Variants in CPQ observed in about 807,000 individuals in gnomAD.
The protein encoded by CPQ is carboxypeptidase Q.
In CPQ, 37 loss-of-function variants were observed where a neutral mutation model predicts 45.7. The observed-to-expected ratio is 0.81, with a 90% CI of 0.62 to 1.07. The LOEUF is 1.07. CPQ is among the 50% of genes least tolerant of loss of function. The pLI is 0.00. For missense variants in CPQ, 537 were observed against 572.9 expected (o/e 0.94, Z 0.64); for synonymous variants, 186 against 205.8 (o/e 0.90, Z 0.82).
chr8:96,744,613 C>T (rs1810150804), intron 1 of CPQ, among the ~76,000 whole-genome samples: 1 of 152,124 alleles, frequency 6.6e-6, no homozygotes, highest in East Asian at 1.9e-4. Context: ...TTGTCTCATA[C>T]TAATAAAACT....
chr8:96,882,420 C>T (rs528382008), intron 4 of CPQ, among the ~76,000 whole-genome samples: 1 of 152,260 alleles, frequency 6.6e-6, no homozygotes, highest in South Asian at 2.1e-4. Flanking sequence ...AGGTATTTTC[C>T]CCAGTCAGTA....
At chr8:97,039,430 T>C (rs900520637) in intron 6 of CPQ, among the ~76,000 whole-genome samples, 8 of 152,046 alleles carry the variant, frequency 5.3e-5, no homozygotes, top group Non-Finnish European at 8.8e-5. Flanking sequence ...TAATATTTCC[T>C]TTCCTTTTTA....
intron 7 of CPQ, among the ~76,000 whole-genome samples, chr8:97,078,806 T>C (rs895065065): frequency 3.6e-5 from 5 of 138,388 alleles, no homozygotes; most frequent in African/African-American, 8.5e-5. Context: ...TCTCTCTCTC[T>C]CCCTCTCTCC....
chr8:97,043,443 T>A (rs1810170920), intron 6 of CPQ, among the ~76,000 whole-genome samples: 1 of 151,942 alleles, frequency 6.6e-6, no homozygotes, highest in Admixed American at 6.6e-5. Flanking sequence ...TTTATCCAGT[T>A]TGCCAGTCTG....
chr8:96,860,875 G>C (rs561735627), intron 3 of CPQ, among the ~76,000 whole-genome samples: 2 of 152,220 alleles, frequency 1.3e-5, no homozygotes, highest in South Asian at 4.1e-4. Flanking sequence ...AGAAACTGTA[G>C]TATCTATTTT....
intron 3 of CPQ, among the ~76,000 whole-genome samples, chr8:96,874,860 G>C (rs1203444821): frequency 6.6e-6 from 1 of 152,002 alleles, no homozygotes; most frequent in African/African-American, 2.4e-5. Context: ...ATACCAAGGG[G>C]TAGAATTGCT....
rs146087978 is a variant in CPQ at position 96,724,490 on chromosome 8, GACACACACAC to G, written c.-34-60347_-34-60338del. On this transcript the variant is annotated intron_variant, in intron 1 of 7. Coordinates refer to ENST00000220763, the MANE Select transcript of CPQ (RefSeq NM_016134.4). ...CAAGAATGCAGTCCCATTTAGAGTA[GACACACACAC>G]ACACACACACACACACACACACACA... is the stretch of plus-strand genomic sequence containing the variant. Among the ~76,000 whole-genome samples the G allele has an allele frequency of 4.8e-4, 70 of 144,786 alleles. 1 individual carries two copies. Among genetic ancestry groups the G allele is most frequent in the African/African-American group, 1.8e-3 (70 of 39,406 alleles). The allele number at this position is 144,786 out of a possible 152,430, so 95.0% of individuals were successfully genotyped here.
At chr8:96,862,850 C>T (rs1304873119) in intron 3 of CPQ, among the ~76,000 whole-genome samples, 3 of 152,010 alleles carry the variant, frequency 2.0e-5, no homozygotes, top group African/African-American at 7.2e-5. Flanking sequence ...ATGGCTGGCC[C>T]ACCTTCTTCT....
chr8:97,063,161 T>G (rs998993249), intron 6 of CPQ, among the ~76,000 whole-genome samples: 1 of 152,184 alleles, frequency 6.6e-6, no homozygotes, highest in Non-Finnish European at 1.5e-5. Flanking sequence ...TAGTTTTTAA[T>G]AGTTGCCATT....
intron 2 of CPQ, among the ~76,000 whole-genome samples, chr8:96,791,237 AC>A (rs1475174476): frequency 6.6e-6 from 1 of 152,144 alleles, no homozygotes; most frequent in African/African-American, 2.4e-5. Context: ...TAGTCATTAG[AC>A]TATATTGCCT....
At chr8:96,696,972 G>A (rs1412789885) in intron 1 of CPQ, among the ~76,000 whole-genome samples, 1 of 152,084 alleles carries the variant, frequency 6.6e-6, no homozygotes, top group East Asian at 1.9e-4. Flanking sequence ...ACTCAAACTA[G>A]TCCAAAAAAT....
At chr8:96,993,359 A>C (rs1809127101) in intron 5 of CPQ, among the ~76,000 whole-genome samples, 1 of 152,184 alleles carries the variant, frequency 6.6e-6, no homozygotes, top group Non-Finnish European at 1.5e-5. Flanking sequence ...GCTCACTTTT[A>C]GTACAAGCTT....
intron 1 of CPQ, among the ~76,000 whole-genome samples, chr8:96,652,030 G>A (rs1815582332): frequency 6.6e-6 from 1 of 152,154 alleles, no homozygotes; most frequent in Non-Finnish European, 1.5e-5. Flanking sequence ...ATACAACACA[G>A]TATAATTAAC....
At chr8:96,733,170 T>A (rs1271186637) in intron 1 of CPQ, among the ~76,000 whole-genome samples, 3 of 152,184 alleles carry the variant, frequency 2.0e-5, no homozygotes, top group Non-Finnish European at 2.9e-5. Context: ...TCTCAACACA[T>A]GACTTCTATT....
intron 1 of CPQ, among the ~76,000 whole-genome samples, chr8:96,742,859 G>A (rs1198519016): frequency 2.6e-5 from 4 of 151,812 alleles, no homozygotes; most frequent in Non-Finnish European, 5.9e-5. Flanking sequence ...TTAGTCTGAT[G>A]GGCTTCCCTT....
chr8:96,886,654 T>G (rs1812310791), intron 4 of CPQ, among the ~76,000 whole-genome samples: 1 of 152,180 alleles, frequency 6.6e-6, no homozygotes, highest in Non-Finnish European at 1.5e-5. Flanking sequence ...AAATATGTGG[T>G]ACAAACACAT....
chr8:97,107,262 T>G (rs947020428), intron 7 of CPQ, among the ~76,000 whole-genome samples: 2 of 152,236 alleles, frequency 1.3e-5, no homozygotes, highest in Non-Finnish European at 2.9e-5. Flanking sequence ...TATAACTTCA[T>G]AAGAATCTGG....
intron 1 of CPQ, among the ~76,000 whole-genome samples, chr8:96,767,736 C>T (rs1311958589): frequency 2.7e-5 from 4 of 147,720 alleles, no homozygotes; most frequent in African/African-American, 1.0e-4. Flanking sequence ...CGATGCTTCC[C>T]AGATTCAAGC....
chr8:97,125,924 T>C (rs1811839299), intron 7 of CPQ, among the ~76,000 whole-genome samples: 1 of 152,124 alleles, frequency 6.6e-6, no homozygotes, highest in South Asian at 2.1e-4. Flanking sequence ...AGTAGTAAAA[T>C]TATTATTATG....
Sources: gnomAD v4.1 joint callset for allele counts (sites outside exome capture counted in the v4.1 genomes callset) on GRCh38, gnomAD v4.1.1 for gene constraint, MANE v1.5 for transcripts, NCBI Gene and HGNC (gene_info 2026-07-23, HGNC 2026-07-21) for gene names.